SPINK9: variants seen among roughly 807,000 people sequenced by gnomAD.
The protein encoded by SPINK9 is serine protease inhibitor Kazal-type 9.
Under a neutral mutation model 10.8 loss-of-function variants are expected in SPINK9, and 3 were observed. That is an observed-to-expected ratio of 0.28 (90% confidence interval 0.13 to 0.72). The LOEUF is 0.72. Ranked by LOEUF, SPINK9 falls within the 30% of genes least tolerant of loss-of-function variation. SPINK9 has a pLI of 0.74. For synonymous variants in SPINK9, 30 were observed against 31.2 expected, an observed-to-expected ratio of 0.96 and a Z score of 0.12; for missense variants, 101 against 103.2, an observed-to-expected ratio of 0.98 and a Z score of 0.09.
At chr5:148,329,211 A>G (rs1018005273) in intron 2 of SPINK9, among the ~76,000 whole-genome samples, 3 of 152,094 alleles carry the variant, frequency 2.0e-5, no homozygotes, top group African/African-American at 7.2e-5. Context: ...CAGAGATTCA[A>G]CTTCTTCCTG....
chr5:148,323,690 G>C (rs1431359290), exon 2 of SPINK9: 2 of 618,052 alleles, frequency 3.2e-6, no homozygotes, highest in African/African-American at 1.9e-5. Flanking sequence ...TTAGGTATTG[G>C]AGAAGAAGTG....
chr5:148,338,953 C>A (rs1757253100), intron 3 of SPINK9, among the ~76,000 whole-genome samples: 1 of 152,076 alleles, frequency 6.6e-6, no homozygotes, highest in African/African-American at 2.4e-5. Flanking sequence ...AAGGAGTATC[C>A]TCCCTCCTAA....
intron 1 of SPINK9, 81 bp from the exon 2 acceptor site, chr5:148,336,341 A>C (rs917101796): frequency 1.4e-5 from 20 of 1,430,476 alleles, no homozygotes; most frequent in Non-Finnish European, 2.0e-5. Flanking sequence ...TGAAAGCTAA[A>C]GCATAAATCA....
intron 2 of SPINK9, among the ~76,000 whole-genome samples, chr5:148,328,851 G>A (rs1367982320): frequency 1.2e-4 from 18 of 152,154 alleles, no homozygotes; most frequent in African/African-American, 4.3e-4. Flanking sequence ...CAGGGATGAA[G>A]CCCACTTGAT....
Position 148,338,610 on chromosome 5 carries a change from G to A in SPINK9, c.215+5G>A. 1 of 1,555,228 alleles carries A rather than the reference G, an allele frequency of 6.4e-7. No homozygotes were observed. Among genetic ancestry groups the A allele is most frequent in the Non-Finnish European group, 8.8e-7 (1 of 1,139,174 alleles). On this transcript the variant is annotated splice_donor_5th_base_variant and intron_variant, in intron 3 of 3. Coordinates refer to ENST00000377906, the MANE Select transcript of SPINK9 (RefSeq NM_001040433.2). ...CTTCTTCTGTTCTAAAGTTAAGTAA[G>A]TATTAAAATGTTTTCTTTTTCATAT...
At chr5:148,333,237 T>G (rs1561767837), upstream of SPINK9, among the ~76,000 whole-genome samples, 1 of 152,190 alleles carries the variant, frequency 6.6e-6, no homozygotes. Context: ...CGGTTTAATA[T>G]GTCATGTTTT....
chr5:148,330,451 C>G (rs1204821287), intron 2 of SPINK9, among the ~76,000 whole-genome samples: 2 of 152,146 alleles, frequency 1.3e-5, no homozygotes, highest in Non-Finnish European at 2.9e-5. Context: ...GGTCTTGACT[C>G]TTTATCCAAT....
intron 1 of SPINK9, among the ~76,000 whole-genome samples, chr5:148,336,040 C>T (rs1757212903): frequency 6.6e-6 from 1 of 152,130 alleles, no homozygotes; most frequent in East Asian, 1.9e-4. Flanking sequence ...ATTGGCCTCC[C>T]TAGAATTTTC....
upstream of SPINK9, among the ~76,000 whole-genome samples, chr5:148,330,853 TAG>T (rs1199244910): frequency 2.6e-5 from 4 of 152,204 alleles, no homozygotes; most frequent in Non-Finnish European, 5.9e-5. Context: ...TTCTGGCTTA[TAG>T]AGTTTCTCCA....
intron 2 of SPINK9, among the ~76,000 whole-genome samples, chr5:148,327,908 G>T (rs1757087890): frequency 6.6e-6 from 1 of 152,216 alleles, no homozygotes. Flanking sequence ...GGTTACTGTA[G>T]CCTTGTAGTA....
chr5:148,324,150 T>C (rs1190570480), intron 2 of SPINK9, among the ~76,000 whole-genome samples: 1 of 152,194 alleles, frequency 6.6e-6, no homozygotes, highest in Non-Finnish European at 1.5e-5. Context: ...CCAGTAATTT[T>C]TCAAGTTTTT....
At chr5:148,322,162 G>C (rs1413969085) in intron 1 of SPINK9, among the ~76,000 whole-genome samples, 1 of 152,156 alleles carries the variant, frequency 6.6e-6, no homozygotes, top group Non-Finnish European at 1.5e-5. Flanking sequence ...ATAGTCTACA[G>C]CCTGTGTACA....
At position 148,327,836 on chromosome 5, in the gene SPINK9, G is replaced by C. The variant is rs562312802; in HGVS notation, c.118+3968G>C. On this transcript the variant is annotated intron_variant, in intron 2 of 4. Coordinates refer to the SPINK9 transcript ENST00000511717. ...GTTGTAGATATGTGGCATTATTTCT[G>C]AGGGCTCTGTTCTGTCCCATTGGTC... is the stretch of plus-strand genomic sequence containing the variant. Among the ~76,000 whole-genome samples, 3 of 151,980 alleles carry C rather than the reference G, an allele frequency of 2.0e-5. No individual in the cohort carries two copies. In the South Asian group the frequency reaches 6.2e-4, roughly 32 times the overall value.
chr5:148,324,622 T>C (rs1757035803), intron 2 of SPINK9, among the ~76,000 whole-genome samples: 1 of 152,048 alleles, frequency 6.6e-6, no homozygotes, highest in Non-Finnish European at 1.5e-5. Flanking sequence ...ATCACTGGTC[T>C]ATAACTTCCA....
chr5:148,321,799 A>G (rs950604416), intron 1 of SPINK9, among the ~76,000 whole-genome samples: 13 of 152,254 alleles, frequency 8.5e-5, no homozygotes, highest in South Asian at 2.1e-4. Context: ...TTGTTTCCCA[A>G]TGAATAAATA....
chr5:148,329,234 G>T (rs192498419), intron 2 of SPINK9, among the ~76,000 whole-genome samples: 268 of 152,286 alleles, frequency 1.8e-3, no homozygotes, highest in African/African-American at 6.2e-3. Flanking sequence ...TTAGTCTTGG[G>T]AGAGTGTATG....
chr5:148,330,472 G>A (rs1284486202), intron 2 of SPINK9, among the ~76,000 whole-genome samples: 1 of 152,182 alleles, frequency 6.6e-6, no homozygotes, highest in African/African-American at 2.4e-5. Flanking sequence ...TTGCCAGTCT[G>A]TGTCTTTTAA....
In SPINK9 at chr5:148,336,500, G is replaced by T. The variant is rs554971334; in HGVS notation, c.87+47G>T. 7 of 1,566,692 alleles carry T rather than the reference G, an allele frequency of 4.5e-6. No individual in the cohort carries two copies. The South Asian group carries it at 6.7e-5, about 15-fold the overall frequency. ...TTATGTAATTTTAAAGTCAATATCAGTAAGGAAATATTTGATACTACACAG... is the reference window on the plus strand; with the variant it reads ...TTATGTAATTTTAAAGTCAATATCATTAAGGAAATATTTGATACTACACAG... On this transcript the variant is annotated intron_variant, in intron 2 of 3. Transcript: ENST00000377906.
In SPINK9 at chr5:148,338,598, A is replaced by G. The variant is rs1757248983; in HGVS notation, c.208A>G (p.Lys70Glu). ...TAAAAATGATTGCTTCTTCTGTTCT[A>G]AAGTTAAGTAAGTATTAAAATGTTT... is the stretch of plus-strand genomic sequence containing the variant. ...TYKNDCFFCS[K>E]VKKTDGTLKF... is the part of the protein sequence containing the mutation. Residue 70 changes from lysine (K) to glutamate (E), a missense_variant, in exon 3 of 4, where the codon AAA (lysine) becomes GAA (glutamate). Physicochemically the swap from Lys to Glu is moderately conservative, Grantham distance 56. Transcript: ENST00000377906. The G allele has an allele frequency of 6.3e-7, 1 of 1,575,604 alleles. No individual in the cohort carries two copies. The highest frequency in any genetic ancestry group is 2.2e-5 in the East Asian group (1 of 44,542).
Sources: gnomAD v4.1 joint callset for allele counts (sites outside exome capture counted in the v4.1 genomes callset) on GRCh38, gnomAD v4.1.1 for gene constraint, MANE v1.5 for transcripts, NCBI Gene and HGNC (gene_info 2026-07-23, HGNC 2026-07-21) for gene names.